Variants in GLRA2 observed in about 807,000 individuals in gnomAD.
GLRA2 encodes the protein glycine receptor subunit alpha-2.
In GLRA2, 11 loss-of-function variants were observed where a neutral mutation model predicts 31.6. The ratio of observed to expected loss-of-function variants is 0.35; its 90% confidence interval spans 0.22 to 0.58. The LOEUF (loss-of-function observed/expected upper bound fraction) is 0.58. Ranked by LOEUF, GLRA2 falls within the 20% of genes least tolerant of loss-of-function variation. The pLI, the probability that GLRA2 is intolerant of heterozygous loss-of-function variation, is 0.84. For missense variants in GLRA2, 212 were observed against 351.8 expected, an observed-to-expected ratio of 0.60 and a Z score of 3.18; for synonymous variants, 132 against 134.0, an observed-to-expected ratio of 0.99 and a Z score of 0.10.
intron 4 of GLRA2, among the ~76,000 whole-genome samples, chrX:14,584,571 C>CT (rs1253828230): frequency 2.7e-5 from 3 of 111,945 alleles, no homozygotes; most frequent in Non-Finnish European, 3.8e-5. Context: ...GCCCCAATGT[C>CT]TTGTGGAATA....
chrX:14,689,028 C>T (rs2091312322), intron 7 of GLRA2, among the ~76,000 whole-genome samples: 1 of 111,832 alleles, frequency 8.9e-6, no homozygotes, highest in South Asian at 3.8e-4. Flanking sequence ...ACTATTATTG[C>T]TCCTATTTTA....
chrX:14,681,492 C>G (rs976063171), intron 7 of GLRA2, among the ~76,000 whole-genome samples: 1 of 111,319 alleles, frequency 9.0e-6, no homozygotes, highest in Non-Finnish European at 1.9e-5. Flanking sequence ...GCACTATTTG[C>G]TAGGTCCTGT....
chrX:14,634,367 G>T (rs1398689917), intron 7 of GLRA2, among the ~76,000 whole-genome samples: 1 of 112,009 alleles, frequency 8.9e-6, no homozygotes, highest in African/African-American at 3.2e-5. Flanking sequence ...AGTTCTGTTT[G>T]GCTGGTATGT....
chrX:14,575,630 T>TAA (rs11396267), intron 3 of GLRA2, among the ~76,000 whole-genome samples: 16 of 106,398 alleles, frequency 1.5e-4, no homozygotes, highest in African/African-American at 4.5e-4. Context: ...TCTGGTTAAT[T>TAA]AAAAAAAAAT....
At position 14,638,950 on chromosome X, in the gene GLRA2, T is replaced by C. The variant is rs192055000; in HGVS notation, c.930+29745T>C. ...CAAAAGTAGGCACTCAATAAACACT[T>C]GTTGAGTGAATACCTAAATACTCAA... is the stretch of plus-strand genomic sequence containing the variant. On this transcript the variant is annotated intron_variant, in intron 7 of 8. Transcript: ENST00000218075. Among the ~76,000 whole-genome samples the C allele has an allele frequency of 8.4e-3, 935 of 111,175 alleles. 22 individuals carry two copies. Among genetic ancestry groups the C allele is most frequent in the Admixed American group, 0.083 (864 of 10,378 alleles).
intron 8 of GLRA2, among the ~76,000 whole-genome samples, chrX:14,701,805 G>A (rs781650129): frequency 2.7e-5 from 3 of 112,410 alleles, no homozygotes; most frequent in Non-Finnish European, 5.6e-5. Flanking sequence ...TCTTAAGGGA[G>A]TTTTGCTTTA....
In GLRA2 at chrX:14,595,870, A is replaced by G. The variant is rs1034026281; in HGVS notation, c.495-8445A>G. The stretch of plus-strand genomic sequence containing the variant: ...TCAATAATAAATTGAAACTATTAGG[A>G]TACATATCTGCAATTCTGATATTAA... On this transcript the variant is annotated intron_variant, in intron 4 of 8. Transcript: ENST00000218075. Among the ~76,000 whole-genome samples the G allele has an allele frequency of 8.9e-5, 10 of 112,416 alleles. No individual in the cohort carries two copies. The East Asian group carries it at 2.5e-3, about 28-fold the overall frequency.
the GLRA2 span, among the ~76,000 whole-genome samples, chrX:14,519,719 C>G: frequency 8.9e-6 from 1 of 111,978 alleles, no homozygotes; most frequent in Non-Finnish European, 1.9e-5. Context: ...GTAAGCTGAT[C>G]TCCCTAGATA....
chrX:14,464,619 C>T, the GLRA2 span, among the ~76,000 whole-genome samples: 3 of 111,626 alleles, frequency 2.7e-5, no homozygotes, highest in Non-Finnish European at 3.8e-5. Flanking sequence ...TGCAGTGGTG[C>T]GATCTCGGCT....
chrX:14,709,825 A>C (rs2091687786), intron 8 of GLRA2, among the ~76,000 whole-genome samples: 1 of 112,095 alleles, frequency 8.9e-6, no homozygotes, highest in African/African-American at 3.2e-5. Context: ...CTGATGGTTT[A>C]CAGTGTTCAC....
the GLRA2 span, among the ~76,000 whole-genome samples, chrX:14,458,087 C>G: frequency 0.15 from 16,177 of 108,448 alleles, 1,190 homozygotes; most frequent in Non-Finnish European, 0.21. Flanking sequence ...TGTTCTCATT[C>G]TTCAATCCCC....
At chrX:14,669,188 T>C (rs766525688) in intron 7 of GLRA2, among the ~76,000 whole-genome samples, 26 of 112,341 alleles carry the variant, frequency 2.3e-4, no homozygotes, top group Non-Finnish European at 3.9e-4. Flanking sequence ...ATGTCTCACA[T>C]CCAGGTGACT....
At chrX:14,514,298 C>G in the GLRA2 span, among the ~76,000 whole-genome samples, 4 of 109,779 alleles carry the variant, frequency 3.6e-5, no homozygotes, top group African/African-American at 1.3e-4. Flanking sequence ...CAAATTGGTA[C>G]AGTATATACT....
chrX:14,572,544 G>T (rs2147055807), intron 2 of GLRA2, among the ~76,000 whole-genome samples: 1 of 112,141 alleles, frequency 8.9e-6, no homozygotes, highest in African/African-American at 3.2e-5. Flanking sequence ...GAAAGAGAAA[G>T]TATCTATTTT....
chrX:14,614,052 C>T (rs1250307912), intron 7 of GLRA2, among the ~76,000 whole-genome samples: 1 of 111,726 alleles, frequency 9.0e-6, no homozygotes, highest in African/African-American at 3.3e-5. Context: ...ATGCTCTTTT[C>T]TTCCCTTGCC....
At chrX:14,624,919 C>T (rs1183794874) in intron 7 of GLRA2, among the ~76,000 whole-genome samples, 1 of 111,091 alleles carries the variant, frequency 9.0e-6, no homozygotes, top group Non-Finnish European at 1.9e-5. Flanking sequence ...AACTTTCTTT[C>T]TCGTTGATCT....
chrX:14,519,171 A>C, the GLRA2 span, among the ~76,000 whole-genome samples: 2 of 110,406 alleles, frequency 1.8e-5, no homozygotes, highest in Non-Finnish European at 3.8e-5. Context: ...CATTTGTGTA[A>C]GTGTATAATA....
chrX:14,559,498 C>T (rs1259215626), intron 2 of GLRA2, among the ~76,000 whole-genome samples: 1 of 93,926 alleles, frequency 1.1e-5, no homozygotes, highest in African/African-American at 4.2e-5. Context: ...TGGCTGCAAC[C>T]TCCACCCCAC....
chrX:14,465,409 C>A, the GLRA2 span, among the ~76,000 whole-genome samples: 2 of 111,913 alleles, frequency 1.8e-5, no homozygotes, highest in Non-Finnish European at 3.8e-5. Flanking sequence ...AGAGACAATT[C>A]GACTTCTTCT....
Sources: allele counts gnomAD v4.1 joint callset (sites outside exome capture counted in the v4.1 genomes callset), GRCh38; gene constraint gnomAD v4.1.1; transcripts MANE v1.5; gene names NCBI Gene and HGNC (gene_info 2026-07-23, HGNC 2026-07-21).